Variants in PDZRN3 observed in about 807,000 individuals in gnomAD.
PDZRN3 encodes the protein PDZ domain containing ring finger 3, also known as E3 ubiquitin-protein ligase PDZRN3.
In PDZRN3, 38 loss-of-function variants were observed where a neutral mutation model predicts 85.7. That is an observed-to-expected ratio of 0.44 (90% CI 0.34 to 0.58). The LOEUF (loss-of-function observed/expected upper bound fraction) is 0.58, where lower values mean the gene tolerates loss of function less well. Among genes scored for constraint, PDZRN3 ranks in the 20% least tolerant of loss-of-function variants. The pLI, the probability that PDZRN3 is intolerant of heterozygous loss-of-function variation, is 0.01. For synonymous variants in PDZRN3, 759 were observed against 638.0 expected (o/e 1.19, Z -2.86); for missense variants, 1,629 against 1,506.4 (o/e 1.08, Z -1.35).
chr3:73,388,679 G>T (rs1269278839), intron 7 of PDZRN3, among the ~76,000 whole-genome samples: 1 of 151,966 alleles, frequency 6.6e-6, no homozygotes, highest in African/African-American at 2.4e-5. Context: ...GCCGCCTCCA[G>T]GGGACACAGC....
rs182586390 is a variant in PDZRN3, at chr3:73,407,670, T to C, written c.919-3275A>G. Among the ~76,000 whole-genome samples the C allele has an allele frequency of 1.2e-3, 182 of 152,326 alleles. 2 individuals carry two copies. The highest frequency in any genetic ancestry group is 4.2e-3 in the African/African-American group (173 of 41,572). On this transcript the variant is annotated intron_variant, in intron 3 of 9. Transcript: ENST00000263666. ...TTTTATAGCAAGGTGATGGCAACTA[T>C]TGCTTTACTTGGATACATTTTTATA...
intron 3 of PDZRN3, among the ~76,000 whole-genome samples, chr3:73,455,533 T>C (rs999743064): frequency 6.6e-6 from 1 of 152,228 alleles, no homozygotes; most frequent in East Asian, 1.9e-4. Flanking sequence ...ATCTACTTTT[T>C]TAGCCTGCAG....
At chr3:73,602,164 T>C (rs1032176058) in intron 3 of PDZRN3, among the ~76,000 whole-genome samples, 190 bp downstream of exon 3, 1 of 152,232 alleles carries the variant, frequency 6.6e-6, no homozygotes, top group Non-Finnish European at 1.5e-5. Flanking sequence ...CTGGCTTTTC[T>C]ACATTTAACA....
At chr3:73,614,088 A>G (rs1368575546) in intron 1 of PDZRN3, among the ~76,000 whole-genome samples, 1 of 152,240 alleles carries the variant, frequency 6.6e-6, no homozygotes, top group Non-Finnish European at 1.5e-5. Flanking sequence ...CTTTGCTATC[A>G]TATTTGAACA....
chr3:73,537,964 T>C (rs527376498), intron 3 of PDZRN3, among the ~76,000 whole-genome samples: 1 of 152,248 alleles, frequency 6.6e-6, no homozygotes, highest in Admixed American at 6.5e-5. Flanking sequence ...GGAGGCCTTT[T>C]TTCCAGGTAT....
At chr3:73,533,458 A>C (rs1361681509) in intron 3 of PDZRN3, among the ~76,000 whole-genome samples, 1 of 152,176 alleles carries the variant, frequency 6.6e-6, no homozygotes, top group African/African-American at 2.4e-5. Context: ...ATCACATATC[A>C]ATCTTTTTTT....
chr3:73,589,184 C>T (rs1296959996), intron 3 of PDZRN3, among the ~76,000 whole-genome samples: 1 of 151,912 alleles, frequency 6.6e-6, no homozygotes, highest in Non-Finnish European at 1.5e-5. Flanking sequence ...AGCTGGGACA[C>T]TTTTGGTTTG....
Position 73,584,713 on chromosome 3 carries a change from C to T in PDZRN3, c.918+17641G>A, listed in dbSNP as rs920239422. Among the ~76,000 whole-genome samples, 9 of 152,112 alleles carry T rather than the reference C, an allele frequency of 5.9e-5. No individual in the cohort carries two copies. In the East Asian group the frequency reaches 1.2e-3, roughly 20 times the overall value. On this transcript the variant is annotated intron_variant, in intron 3 of 9. Coordinates refer to ENST00000263666, the MANE Select transcript of PDZRN3 (RefSeq NM_015009.3). ...GCAGTCTCTCTAAATACAAAAGCTA[C>T]GTTGCATTCTATAGTTAATATGTTC... is the stretch of plus-strand genomic sequence containing the variant.
At chr3:73,434,589 G>A (rs1702496248) in intron 3 of PDZRN3, among the ~76,000 whole-genome samples, 1 of 152,146 alleles carries the variant, frequency 6.6e-6, no homozygotes, top group Admixed American at 6.5e-5. Flanking sequence ...TTTGTTGAAG[G>A]GCTGCCCAAC....
chr3:73,492,544 G>A (rs1306967478), intron 3 of PDZRN3, among the ~76,000 whole-genome samples: 1 of 152,196 alleles, frequency 6.6e-6, no homozygotes, highest in East Asian at 1.9e-4. Context: ...GTGATCTGGG[G>A]CTGCAGAGGT....
intron 1 of PDZRN3, among the ~76,000 whole-genome samples, chr3:73,609,735 C>A (rs9860279): frequency 6.6e-6 from 1 of 152,028 alleles, no homozygotes; most frequent in Non-Finnish European, 1.5e-5. Context: ...TTTACTCTGA[C>A]ATTTTTGCTT....
At chr3:73,472,467 G>A (rs183589189) in intron 3 of PDZRN3, among the ~76,000 whole-genome samples, 3 of 152,092 alleles carry the variant, frequency 2.0e-5, no homozygotes, top group Admixed American at 6.6e-5. Context: ...ATATGCCCTC[G>A]GTCTGAAGCT....
rs370953954 is a variant in PDZRN3 at position 73,505,853 on chromosome 3, G to T, written c.918+96501C>A. On this transcript the variant is annotated intron_variant, in intron 3 of 9. Coordinates refer to ENST00000263666, the MANE Select transcript of PDZRN3 (RefSeq NM_015009.3). ...TGAGGCAAAAAATAAAATTGCGCTG[G>T]ATTAGAGACCCCCAACCGACTTTCC... Among the ~76,000 whole-genome samples the T allele has an allele frequency of 1.6e-4, 24 of 152,070 alleles. No homozygotes were observed. The East Asian group carries it at 4.6e-3, about 29-fold the overall frequency.
chr3:73,547,759 A>G (rs1194552332), intron 3 of PDZRN3, among the ~76,000 whole-genome samples: 1 of 152,182 alleles, frequency 6.6e-6, no homozygotes, highest in African/African-American at 2.4e-5. Flanking sequence ...TTTTTGCTGA[A>G]GCTAAGTCCA....
Position 73,602,461 on chromosome 3 carries a change from C to A in PDZRN3, c.811G>T (p.Asp271Tyr), listed in dbSNP as rs2106896578. 7 of 1,430,554 alleles carry A rather than the reference C, an allele frequency of 4.9e-6. No homozygotes were observed. The highest frequency in any genetic ancestry group is 6.5e-6 in the Non-Finnish European group (7 of 1,073,194). 88.6% of individuals were successfully genotyped at this position (1,430,554 alleles called of 1,614,324 possible). The change falls in exon 3 of 10, where the codon GAT (aspartate) becomes TAT (tyrosine). Residue 271 changes from aspartate (D) to tyrosine (Y), a missense_variant and splice_region_variant. Coordinates refer to ENST00000263666, the MANE Select transcript of PDZRN3 (RefSeq NM_015009.3). ...TCACTGGATGATCCATCGTGGTTATCCTTTGGGTTAAAAAAAAAAACATGC... is the reference window on the plus strand; with the variant it reads ...TCACTGGATGATCCATCGTGGTTATACTTTGGGTTAAAAAAAAAAACATGC... ...FNIIGGRPSV[D>Y]NHDGSSSEGI...
chr3:73,411,735 T>C (rs1701973286), intron 3 of PDZRN3, among the ~76,000 whole-genome samples: 1 of 152,230 alleles, frequency 6.6e-6, no homozygotes, highest in Non-Finnish European at 1.5e-5. Context: ...CCCAGAGCAC[T>C]TCCTGGTTGA....
At chr3:73,435,292 G>A (rs984017482) in intron 3 of PDZRN3, among the ~76,000 whole-genome samples, 1 of 152,142 alleles carries the variant, frequency 6.6e-6, no homozygotes, top group African/African-American at 2.4e-5. Context: ...GGAGGGTGAG[G>A]AGCCTTCCTT....
At chr3:73,411,731 G>A (rs896807112) in intron 3 of PDZRN3, among the ~76,000 whole-genome samples, 1 of 152,184 alleles carries the variant, frequency 6.6e-6, no homozygotes, top group African/African-American at 2.4e-5. Context: ...GTCTCCCAGA[G>A]CACTTCCTGG....
chr3:73,556,185 T>C (rs1400855612), intron 3 of PDZRN3, among the ~76,000 whole-genome samples: 1 of 152,170 alleles, frequency 6.6e-6, no homozygotes. Context: ...AAATCTCACA[T>C]TTAATAAGTA....
Sources: gnomAD v4.1 joint callset for allele counts (sites outside exome capture counted in the v4.1 genomes callset) on GRCh38, gnomAD v4.1.1 for gene constraint, MANE v1.5 for transcripts, NCBI Gene and HGNC (gene_info 2026-07-23, HGNC 2026-07-21) for gene names.